Variants in HIVEP3 observed in about 807,000 individuals in gnomAD.
HIVEP3 encodes the protein transcription factor HIVEP3.
HIVEP3 carries 49 observed loss-of-function variants against 152.8 expected under a neutral mutation model. The observed-to-expected ratio is 0.32, with a 90% CI of 0.26 to 0.41. The LOEUF (loss-of-function observed/expected upper bound fraction) is 0.41, where lower values mean the gene tolerates loss of function less well. Among genes scored for constraint, HIVEP3 ranks in the 10% least tolerant of loss-of-function variants. The pLI, the probability that HIVEP3 is intolerant of heterozygous loss-of-function variation, is 1.00. For synonymous variants in HIVEP3, 1,269 were observed against 1,289.0 expected (o/e 0.98, Z 0.33); for missense variants, 2,790 against 3,103.3 (o/e 0.90, Z 2.40).
At position 41,897,138 on chromosome 1, in the gene HIVEP3, A is replaced by G. The variant is rs1392110006; in HGVS notation, c.-801+21275T>C. ...ATTGGGATCAACTCCAAATACAAGG[A>G]AAAGTGGGAATGCATAGCCAACGAG... is the stretch of plus-strand genomic sequence containing the variant. On this transcript the variant is annotated intron_variant, in intron 1 of 8. Coordinates refer to ENST00000372583, the MANE Select transcript of HIVEP3 (RefSeq NM_024503.5). Among the ~76,000 whole-genome samples, 3 of 152,212 alleles carry G rather than the reference A, an allele frequency of 2.0e-5. No homozygotes were observed. In the East Asian group the frequency reaches 5.8e-4, roughly 29 times the overall value.
chr1:41,976,878 T>C (rs1645262224), intron 1 of HIVEP3, among the ~76,000 whole-genome samples: 2 of 152,192 alleles, frequency 1.3e-5, no homozygotes, highest in Non-Finnish European at 2.9e-5. Context: ...CCACCCCTTG[T>C]GCCTTGAGAG....
chr1:41,940,845 AGG>A (rs1193683917), intron 1 of HIVEP3, among the ~76,000 whole-genome samples: 1 of 151,140 alleles, frequency 6.6e-6, no homozygotes, highest in Non-Finnish European at 1.5e-5. Context: ...GTAAAGACAG[AGG>A]AGAGAGAGGG....
rs1644434421 is a variant in HIVEP3 at position 41,510,509 on chromosome 1, C to T, written c.7163G>A (p.Ser2388Asn). The T allele has an allele frequency of 3.1e-6, 5 of 1,596,102 alleles. No homozygotes were observed. Among genetic ancestry groups the T allele is most frequent in the Non-Finnish European group, 4.3e-6 (5 of 1,171,546 alleles). Residue 2388 changes from serine (S) to asparagine (N), a missense_variant, in exon 9 of 9, where the codon AGT becomes AAT. Ser to Asn is a conservative substitution (Grantham distance 46). Around this residue, in one of 9 missense-constraint regions of HIVEP3, gnomAD observed 816 missense variants for 806.5 expected, o/e 1.01. Transcript: ENST00000372583. ...ATGTGGATGTGCCCTGGGCTCCCCA[C>T]TTCCTGAGGGCTTGGGGGAGTCCTG... ...TRQDSPKPSG[S>N]GEPRAHPHQP...
chr1:41,646,535 T>C (rs529340125), intron 2 of HIVEP3, among the ~76,000 whole-genome samples: 14 of 152,300 alleles, frequency 9.2e-5, no homozygotes, highest in East Asian at 7.7e-4. Context: ...CTGCACAGTG[T>C]GCCTGCAGGA....
intron 2 of HIVEP3, among the ~76,000 whole-genome samples, chr1:41,674,438 C>T (rs1368935088): frequency 6.6e-6 from 1 of 152,194 alleles, no homozygotes; most frequent in Admixed American, 6.5e-5. Flanking sequence ...AGGGTGCTGA[C>T]TGGAACCTGG....
At chr1:41,523,932 C>A (rs2149052109) in intron 6 of HIVEP3, among the ~76,000 whole-genome samples, 1 of 152,360 alleles carries the variant, frequency 6.6e-6, no homozygotes, top group South Asian at 2.1e-4. Flanking sequence ...GCTGCCAGGA[C>A]CTTCCCTGCC....
rs1028989400 is a variant in HIVEP3 at position 41,664,769 on chromosome 1, G to A, written c.-720-35822C>T. 1.3e-5 allele frequency among the ~76,000 whole-genome samples: 2 copies of A among 152,116 alleles called. No individual in the cohort carries two copies. Among genetic ancestry groups the A allele is most frequent in the African/African-American group, 4.8e-5 (2 of 41,426 alleles). ...GCGGGGTTCTCAGCTAGACTGGCTTGAATGCTCAGGAGACTGGGATGGCTT... is the reference window on the plus strand; with the variant it reads ...GCGGGGTTCTCAGCTAGACTGGCTTAAATGCTCAGGAGACTGGGATGGCTT... On this transcript the variant is annotated intron_variant, in intron 2 of 8. Coordinates refer to ENST00000372583, the MANE Select transcript of HIVEP3 (RefSeq NM_024503.5). The surrounding 1 kb of genome is among the most constrained non-coding windows in gnomAD (Gnocchi z 4.4).
At chr1:41,725,592 T>C (rs551486591) in intron 1 of HIVEP3, among the ~76,000 whole-genome samples, 2 of 152,260 alleles carry the variant, frequency 1.3e-5, no homozygotes, top group South Asian at 2.1e-4. Flanking sequence ...CCCAGACACA[T>C]AGGACTGATA....
chr1:41,839,786 G>A (rs886734462), intron 1 of HIVEP3, among the ~76,000 whole-genome samples: 1 of 152,152 alleles, frequency 6.6e-6, no homozygotes, highest in African/African-American at 2.4e-5. Flanking sequence ...ACAGAGTAAC[G>A]GTCTACCTTG....
rs369581102 is a variant in HIVEP3 at position 41,541,658 on chromosome 1, T to C, written c.5208-16748A>G. ...ATGCTCTCCAGGTCCACCTTTTCTA[T>C]GGGCAGTAGAAAACAGAGCTGGGCT... On this transcript the variant is annotated intron_variant, in intron 5 of 8. Coordinates refer to ENST00000372583, the MANE Select transcript of HIVEP3 (RefSeq NM_024503.5). Among the ~76,000 whole-genome samples, 7 of 152,196 alleles carry C rather than the reference T, an allele frequency of 4.6e-5. No homozygotes were observed. In the East Asian group the frequency reaches 9.6e-4, roughly 21 times the overall value.
At chr1:41,898,451 A>G (rs1405925489) in intron 1 of HIVEP3, among the ~76,000 whole-genome samples, 2 of 152,190 alleles carry the variant, frequency 1.3e-5, no homozygotes, top group Non-Finnish European at 2.9e-5. Flanking sequence ...ACAGCCTAAG[A>G]GCAAAGGCTC....
At chr1:41,743,416 G>T (rs2124209799) in intron 1 of HIVEP3, among the ~76,000 whole-genome samples, 1 of 152,250 alleles carries the variant, frequency 6.6e-6, no homozygotes, top group South Asian at 2.1e-4. Context: ...CCTGACATCT[G>T]GCAGACACTA....
chr1:41,896,640 T>C (rs989268440), intron 1 of HIVEP3, among the ~76,000 whole-genome samples: 1 of 151,354 alleles, frequency 6.6e-6, no homozygotes, highest in Non-Finnish European at 1.5e-5. Context: ...AATGGTGCGA[T>C]CTCGGGTCAC....
chr1:41,584,350 A>G lies in HIVEP3; in HGVS notation c.448T>C (p.Ser150Pro). ...GGAAGGTCCTCGGGGGGAATGATGGAAGCGTGGGAAGGAAGGAGCTGGCTC... is the reference window on the plus strand; with the variant it reads ...GGAAGGTCCTCGGGGGGAATGATGGGAGCGTGGGAAGGAAGGAGCTGGCTC... Reference protein sequence around the residue: ...PQSQLLPSHASIIPPEDLPGV... With the variant: ...PQSQLLPSHAPIIPPEDLPGV... The change falls in exon 4 of 9, where the codon TCC (serine) becomes CCC (proline). Residue 150 changes from serine (S) to proline (P), a missense_variant. Physicochemically the swap from Ser to Pro is moderately conservative, Grantham distance 74. Coordinates refer to ENST00000372583, the MANE Select transcript of HIVEP3 (RefSeq NM_024503.5). The surrounding 1 kb of genome is among the most constrained non-coding windows in gnomAD (Gnocchi z 5.2). 6.2e-7 allele frequency: 1 copy of G among 1,613,820 alleles called. No individual in the cohort carries two copies. The highest frequency in any genetic ancestry group is 8.5e-7 in the Non-Finnish European group (1 of 1,179,828).
chr1:41,513,048 G>GTA lies in HIVEP3; in HGVS notation c.6171_6172dup (p.Thr2058IlefsTer131). 6.2e-7 allele frequency: 1 copy of GTA among 1,613,832 alleles called. No homozygotes were observed. Among genetic ancestry groups the GTA allele is most frequent in the Non-Finnish European group, 8.5e-7 (1 of 1,179,964 alleles). On this transcript the variant is annotated frameshift_variant, in exon 8 of 9. Transcript: ENST00000372583. LOFTEE classifies it high-confidence loss of function. The stretch of plus-strand genomic sequence containing the variant: ...GTATCTGGGGAGGCCTGGGTCGGTG[G>GTA]TACCCTCGAGTTTGGAGAGCACATG...
chr1:41,762,639 G>T (rs898337620), intron 1 of HIVEP3, among the ~76,000 whole-genome samples: 1 of 152,202 alleles, frequency 6.6e-6, no homozygotes, highest in Admixed American at 6.5e-5. Flanking sequence ...CACAAAGCCT[G>T]CTCCTGTGCT....
chr1:41,774,632 C>T (rs1293301481), intron 1 of HIVEP3, among the ~76,000 whole-genome samples: 1 of 152,146 alleles, frequency 6.6e-6, no homozygotes, highest in Non-Finnish European at 1.5e-5. Context: ...AAATAAATCA[C>T]ATCTTTCCCA....
intron 2 of HIVEP3, among the ~76,000 whole-genome samples, chr1:41,657,606 C>G (rs1007121630): frequency 3.9e-5 from 6 of 152,152 alleles, no homozygotes; most frequent in African/African-American, 1.4e-4. Context: ...ACAACTGAAA[C>G]TAGTTGTTGT....
At chr1:42,033,216 A>AAAAGTGATGCCTCCTGC (rs1553144857) in intron 1 of HIVEP3, among the ~76,000 whole-genome samples, 1 of 152,176 alleles carries the variant, frequency 6.6e-6, no homozygotes, top group African/African-American at 2.4e-5. Flanking sequence ...CTGACCCCTG[A>AAAAGTGATGCCTCCTGC]AAAGTGATGC....
Sources: allele counts gnomAD v4.1 joint callset (sites outside exome capture counted in the v4.1 genomes callset), GRCh38; gene constraint gnomAD v4.1.1; regional missense constraint gnomAD v4.1.1; non-coding constraint Gnocchi (gnomAD v3.1); transcripts MANE v1.5; gene names NCBI Gene and HGNC (gene_info 2026-07-23, HGNC 2026-07-21).